EOMES: variants seen among roughly 807,000 people sequenced by gnomAD.
The protein encoded by EOMES is eomesodermin.
Under a neutral mutation model 61.0 loss-of-function variants are expected in EOMES, and 18 were observed. The ratio of observed to expected loss-of-function variants is 0.30; its 90% CI spans 0.20 to 0.44. The LOEUF (loss-of-function observed/expected upper bound fraction) is 0.44, where lower values mean the gene tolerates loss of function less well. EOMES is among the 20% of genes least tolerant of loss of function. The pLI is 1.00. For missense variants in EOMES, 885 were observed against 939.2 expected (o/e 0.94, Z 0.75); for synonymous variants, 430 against 394.0 (o/e 1.09, Z -1.08).
rs1312622352 is a variant in EOMES, at chr3:27,720,471, T to A, written c.882-146A>T. The A allele has an allele frequency of 5.6e-6, 3 of 532,674 alleles. No individual in the cohort carries two copies. In the African/African-American group the frequency reaches 6.5e-5, roughly 12 times the overall value. 33.0% of individuals were successfully genotyped at this position (532,674 alleles called of 1,614,324 possible). ...GTGAACAGAATGCTGGTAGATCAAG[T>A]GGTCTGAAACTATGTAAAATATTTT... On this transcript the variant is annotated intron_variant, in intron 1 of 5. Coordinates refer to ENST00000449599, the MANE Select transcript of EOMES (RefSeq NM_001278182.2).
intron 5 of EOMES, 32 bp downstream of exon 5, chr3:27,718,555 A>T: frequency 6.7e-7 from 1 of 1,502,812 alleles, no homozygotes; most frequent in East Asian, 2.3e-5. Flanking sequence ...CTCAGAGATG[A>T]TCAGGCAAGT....
chr3:27,717,443 T>C lies in EOMES; in HGVS notation c.1745A>G (p.Tyr582Cys), dbSNP rs1186766320. 1 of 1,614,202 alleles carries C rather than the reference T, an allele frequency of 6.2e-7. No homozygotes were observed. The highest frequency in any genetic ancestry group is 8.5e-7 in the Non-Finnish European group (1 of 1,180,034). ...TGCAGGAAAGGTTGGGTCTGGGTAA[T>C]ACCCCAGGGCATGGGATGTCTGAAG... ...LPLQTSHALGYYPDPTFPAMA... is the reference protein window; with the variant it reads ...LPLQTSHALGCYPDPTFPAMA... Residue 582 changes from tyrosine (Y) to cysteine (C), a missense_variant, in exon 6 of 6, where the codon TAT becomes TGT. This residue lies in a region of EOMES where 259 missense variants were observed against 282.3 expected (regional missense o/e 0.92). Transcript: ENST00000449599. This position sits in a 1 kb window ranked among gnomAD's most constrained non-coding sequence, Gnocchi z 4.5.
At position 27,716,973 on chromosome 3, in the gene EOMES, A is replaced by G. The variant is rs2060573021; in HGVS notation, c.*97T>C. The G allele has an allele frequency of 1.1e-6, 1 of 929,266 alleles. No homozygotes were observed. Among genetic ancestry groups the G allele is most frequent in the African/African-American group, 1.6e-5 (1 of 60,714 alleles). 57.6% of individuals were successfully genotyped at this position (929,266 alleles called of 1,614,324 possible). ...AACAGGATGCATCAAGGTGGAAGGC[A>G]AACATCTTTTTGGCAACCTAGGCAA... On this transcript the variant is annotated 3_prime_UTR_variant, in exon 6 of 6. Transcript: ENST00000449599.
chr3:27,722,302 A>T lies in EOMES; in HGVS notation c.-8T>A. On this transcript the variant is annotated 5_prime_UTR_variant, in exon 1 of 6. Coordinates refer to ENST00000449599, the MANE Select transcript of EOMES (RefSeq NM_001278182.2). ...CTGCTCCCCTAACTGCATGCTTTGC[A>T]AAGCGCAGACGGCAGCTGGCTGCTT... 6.4e-7 allele frequency: 1 copy of T among 1,554,330 alleles called. No individual in the cohort carries two copies. Among genetic ancestry groups the T allele is most frequent in the African/African-American group, 1.4e-5 (1 of 71,116 alleles).
chr3:27,717,618 G>A lies in EOMES; in HGVS notation c.1570C>T (p.Pro524Ser). 6.2e-7 allele frequency: 1 copy of A among 1,614,112 alleles called. No homozygotes were observed. Among genetic ancestry groups the A allele is most frequent in the African/African-American group, 1.3e-5 (1 of 75,048 alleles). Residue 524 changes from proline (P) to serine (S), a missense_variant, in exon 6 of 6, where the codon CCC (proline) becomes TCC (serine). Coordinates refer to ENST00000449599, the MANE Select transcript of EOMES (RefSeq NM_001278182.2). This position sits in a 1 kb window ranked among gnomAD's most constrained non-coding sequence, Gnocchi z 4.5. ...TTGGCCACCTCTTCGCTCTGTTGGGGTGAAAGGAGGCCGTTGGTCTGTGGC... is the reference window on the plus strand; with the variant it reads ...TTGGCCACCTCTTCGCTCTGTTGGGATGAAAGGAGGCCGTTGGTCTGTGGC... The part of the protein sequence containing the change: ...TVPQTNGLLS[P>S]QQSEEVANPP...
In EOMES at chr3:27,718,516, C is replaced by T. The variant is rs191882980; in HGVS notation, c.1379+71G>A. 1.4e-5 allele frequency: 15 copies of T among 1,035,426 alleles called. No homozygotes were observed. The Admixed American group carries it at 3.5e-4, about 24-fold the overall frequency. The allele number at this position is 1,035,426 out of a possible 1,614,324, so 64.1% of individuals were successfully genotyped here. A position where few individuals can be genotyped will look rare whatever the true frequency, so the allele number is the denominator to read the frequency against. On this transcript the variant is annotated intron_variant, in intron 5 of 5. Transcript: ENST00000449599. ...AAAAGCTCTTCCTAAAATACATTAT[C>T]AGCAAAGTGCCTGTTGATGTATGTC...
At chr3:27,720,370 G>A (rs1465453182) in intron 1 of EOMES, 45 bp from the exon 2 acceptor site, 1 of 1,571,390 alleles carries the variant, frequency 6.4e-7, no homozygotes. Context: ...TAATTGGGAT[G>A]TCCTAGAACA....
Position 27,717,823 on chromosome 3 carries a change from G to T in EOMES, c.1380-15C>A. On this transcript the variant is annotated splice_polypyrimidine_tract_variant and intron_variant, in intron 5 of 5. Coordinates refer to ENST00000449599, the MANE Select transcript of EOMES (RefSeq NM_001278182.2). The surrounding 1 kb of genome is among the most constrained non-coding windows in gnomAD (Gnocchi z 4.5). ...CGGTGTACATGCTACAATATAAAGAGAAACACTTAAAAAAAAAAAAAAACC... is the reference window on the plus strand; with the variant it reads ...CGGTGTACATGCTACAATATAAAGATAAACACTTAAAAAAAAAAAAAAACC... 1.8e-5 allele frequency: 24 copies of T among 1,308,964 alleles called. No homozygotes were observed. The highest frequency in any genetic ancestry group is 2.0e-4 in the Middle Eastern group (1 of 4,996). 81.1% of individuals were successfully genotyped at this position (1,308,964 alleles called of 1,614,324 possible).
rs573540637 is a variant in EOMES at position 27,716,851 on chromosome 3, G to A, written c.*219C>T. ...CCTTCGAATTTTAAAATACCTTAAAGTCTTCCATTAATCTTATTTTTTAAA... is the reference window on the plus strand; with the variant it reads ...CCTTCGAATTTTAAAATACCTTAAAATCTTCCATTAATCTTATTTTTTAAA... On this transcript the variant is annotated 3_prime_UTR_variant, in exon 6 of 6. Coordinates refer to ENST00000449599, the MANE Select transcript of EOMES (RefSeq NM_001278182.2). 4 of 536,558 alleles carry A rather than the reference G, an allele frequency of 7.5e-6. No individual in the cohort carries two copies. The African/African-American group carries it at 7.6e-5, about 10-fold the overall frequency. 33.2% of individuals were successfully genotyped at this position (536,558 alleles called of 1,614,324 possible).
Position 27,722,262 on chromosome 3 carries a change from T to A in EOMES, c.33A>T (p.Ser11=). 1 of 1,601,098 alleles carries A rather than the reference T, an allele frequency of 6.2e-7. No homozygotes were observed. Among genetic ancestry groups the A allele is most frequent in the Non-Finnish European group, 8.5e-7 (1 of 1,175,054 alleles). The part of the protein sequence containing the change: MQLGEQLLVS[S]VNLPGAHFYP... ...AGAAGTGCGCGCCAGGCAGGTTCAC[T>A]GAGCTCACCAAGAGCTGCTCCCCTA... Residue 11 remains serine, a synonymous_variant, in exon 1 of 6, where the codon TCA becomes TCT. Coordinates refer to ENST00000449599, the MANE Select transcript of EOMES (RefSeq NM_001278182.2).
At chr3:27,719,591 A>C (rs756894856) in intron 2 of EOMES, 110 bp from the exon 3 acceptor site, 44 of 989,206 alleles carry the variant, frequency 4.4e-5, no homozygotes, top group Non-Finnish European at 6.5e-5. Context: ...AGCTAGACTT[A>C]CAGTTGGTCT....
Position 27,721,686 on chromosome 3 carries a change from G to C in EOMES, c.609C>G (p.Pro203=). 2 of 1,518,850 alleles carry C rather than the reference G, an allele frequency of 1.3e-6. No individual in the cohort carries two copies. Among genetic ancestry groups the C allele is most frequent in the South Asian group, 1.2e-5 (1 of 80,938 alleles). 94.1% of individuals were successfully genotyped at this position (1,518,850 alleles called of 1,614,324 possible). A position where few individuals can be genotyped will look rare whatever the true frequency, so the allele number is the denominator to read the frequency against. Residue 203 remains proline (P), a synonymous_variant, in exon 1 of 6, where the codon CCC becomes CCG. Coordinates refer to ENST00000449599, the MANE Select transcript of EOMES (RefSeq NM_001278182.2). The surrounding 1 kb of genome is among the most constrained non-coding windows in gnomAD (Gnocchi z 7.4). ...PGGFPAAVCP[P]GRAQFGPGAG... is the part of the protein sequence containing the mutation. Reference sequence around the variant, plus strand: ...CTCCTGGGCCGAACTGCGCCCTCCCGGGTGGGCACACAGCCGCGGGGAAGC... The same window carrying C: ...CTCCTGGGCCGAACTGCGCCCTCCCCGGTGGGCACACAGCCGCGGGGAAGC...
rs1040912256 is a variant in EOMES at position 27,717,294 on chromosome 3, C to T, written c.1894G>A (p.Glu632Lys). ...GTCTCTATCCAAGAAGAGCCAATTT[C>T]CTCTTTCACTTTCTCCTTGGAGAGC... ...DQLSKEKVKE[E>K]IGSSWIETPP... The change falls in exon 6 of 6, where the codon GAA (glutamate) becomes AAA (lysine). Residue 632 changes from glutamate to lysine, a missense_variant. Glu to Lys is a moderately conservative substitution (Grantham distance 56, BLOSUM62 1). Coordinates refer to ENST00000449599, the MANE Select transcript of EOMES (RefSeq NM_001278182.2). This position sits in a 1 kb window ranked among gnomAD's most constrained non-coding sequence, Gnocchi z 4.5. The T allele has an allele frequency of 6.2e-7, 1 of 1,614,020 alleles. No homozygotes were observed. The highest frequency in any genetic ancestry group is 8.5e-7 in the Non-Finnish European group (1 of 1,180,002).
chr3:27,717,738 C>A lies in EOMES; in HGVS notation c.1450G>T (p.Val484Phe). 1 of 1,612,704 alleles carries A rather than the reference C, an allele frequency of 6.2e-7. No individual in the cohort carries two copies. The highest frequency in any genetic ancestry group is 8.5e-7 in the Non-Finnish European group (1 of 1,179,642). The change falls in exon 6 of 6, where the codon GTC becomes TTC. Residue 484 changes from valine to phenylalanine, a missense_variant. Val to Phe is a conservative substitution (Grantham distance 50). Coordinates refer to ENST00000449599, the MANE Select transcript of EOMES (RefSeq NM_001278182.2). This position sits in a 1 kb window ranked among gnomAD's most constrained non-coding sequence, Gnocchi z 4.5. The part of the protein sequence containing the change: ...PTDSPRSHQI[V>F]PGGRYGVQSF... Reference sequence around the variant, plus strand: ...TGAACGCCGTACCGACCTCCAGGGACAATCTGATGGGATCTAGGAGAATCC... The same window carrying A: ...TGAACGCCGTACCGACCTCCAGGGAAAATCTGATGGGATCTAGGAGAATCC...
rs1271793919 is a variant in EOMES at position 27,717,866 on chromosome 3, C to A, written c.1380-58G>T. 1.8e-5 allele frequency: 22 copies of A among 1,237,258 alleles called. No homozygotes were observed. Among genetic ancestry groups the A allele is most frequent in the Admixed American group, 5.8e-5 (2 of 34,722 alleles). 76.6% of individuals were successfully genotyped at this position (1,237,258 alleles called of 1,614,324 possible). On this transcript the variant is annotated intron_variant, in intron 5 of 5. Transcript: ENST00000449599. This position sits in a 1 kb window ranked among gnomAD's most constrained non-coding sequence, Gnocchi z 4.5. ...AAAAAACCCTAATGTTGTCCCCAAACAAACCACCTCCCAGAAATGAAAAAG... is the reference window on the plus strand; with the variant it reads ...AAAAAACCCTAATGTTGTCCCCAAAAAAACCACCTCCCAGAAATGAAAAAG...
chr3:27,718,551 G>A (rs752604245), intron 5 of EOMES, 36 bp downstream of exon 5: 4 of 1,437,054 alleles, frequency 2.8e-6, no homozygotes, highest in Non-Finnish European at 3.9e-6. Context: ...CCTGCTCAGA[G>A]ATGATCAGGC....
At position 27,721,399 on chromosome 3, in the gene EOMES, C is replaced by G. The variant is rs1395978927; in HGVS notation, c.881+15G>C. On this transcript the variant is annotated intron_variant, in intron 1 of 5. Coordinates refer to ENST00000449599, the MANE Select transcript of EOMES (RefSeq NM_001278182.2). This position sits in a 1 kb window ranked among gnomAD's most constrained non-coding sequence, Gnocchi z 7.4. The stretch of plus-strand genomic sequence containing the variant: ...TTTATCCCCGAACCCAGGGGCCCCT[C>G]CACGCTGCGCTCACCTGCCCTGTTT... 7.5e-6 allele frequency: 12 copies of G among 1,602,158 alleles called. No homozygotes were observed. The highest frequency in any genetic ancestry group is 1.0e-5 in the Non-Finnish European group (12 of 1,174,766).
Position 27,720,319 on chromosome 3 carries a change from C to T in EOMES, c.888G>A (p.Met296Ile). ...EMIITKQGRR[M>I]FPFLSFNING... ...TTATGTTGAAGCTCAAGAAAGGAAA[C>T]ATGCGCCTGTGCAAGGGAATAGAAT... The change falls in exon 2 of 6, where the codon ATG (methionine) becomes ATA (isoleucine). Residue 296 changes from methionine (M) to isoleucine (I), a missense_variant. By Grantham distance (10) the Met-to-Ile change is conservative. Coordinates refer to ENST00000449599, the MANE Select transcript of EOMES (RefSeq NM_001278182.2). 6.2e-7 allele frequency: 1 copy of T among 1,613,888 alleles called. No homozygotes were observed. Among genetic ancestry groups the T allele is most frequent in the Non-Finnish European group, 8.5e-7 (1 of 1,179,848 alleles).
rs527516956 is a variant in EOMES at position 27,719,019 on chromosome 3, T to A, written c.1159-126A>T. 124 of 736,042 alleles carry A rather than the reference T, an allele frequency of 1.7e-4. 1 individual carries two copies. Among genetic ancestry groups the A allele is most frequent in the African/African-American group, 1.7e-3 (94 of 56,224 alleles). 45.6% of individuals were successfully genotyped at this position (736,042 alleles called of 1,614,324 possible). On this transcript the variant is annotated intron_variant, in intron 3 of 5. Coordinates refer to ENST00000449599, the MANE Select transcript of EOMES (RefSeq NM_001278182.2). ...AAATGCTCCTCACTAACAGCTTTGT[T>A]TATTGCAAGTTTAAAGGTCTCATTA...
Sources: gnomAD v4.1 joint callset for allele counts on GRCh38, gnomAD v4.1.1 for gene constraint, gnomAD v4.1.1 regional missense constraint, Gnocchi (gnomAD v3.1) non-coding constraint, MANE v1.5 for transcripts, NCBI Gene and HGNC (gene_info 2026-07-23, HGNC 2026-07-21) for gene names.